The following EP300 variants were observed in gnomAD, a reference collection of about 807,000 sequenced individuals.
EP300 encodes the protein histone acetyltransferase p300.
A neutral mutation model predicts 264.0 loss-of-function variants in EP300; 31 were observed. That is an observed-to-expected ratio of 0.12 (90% CI 0.09 to 0.16). EP300 has a LOEUF of 0.16. Among genes scored for constraint, EP300 ranks in the 10% least tolerant of loss-of-function variants. EP300 has a pLI of 1.00. For synonymous variants in EP300, 1,340 were observed against 1,045.4 expected, an observed-to-expected ratio of 1.28 and a Z score of -5.44; for missense variants, 2,766 against 3,052.9, an observed-to-expected ratio of 0.91 and a Z score of 2.21.
rs113791856 is a variant in EP300 at position 41,098,458 on chromosome 22, G to T, written c.94+5360G>T. Among the ~76,000 whole-genome samples the T allele has an allele frequency of 3.9e-5, 6 of 152,074 alleles. No individual in the cohort carries two copies. The South Asian group carries it at 1.2e-3, about 31-fold the overall frequency. On this transcript the variant is annotated intron_variant, in intron 1 of 30. Coordinates refer to ENST00000263253, the MANE Select transcript of EP300 (RefSeq NM_001429.4). The stretch of plus-strand genomic sequence containing the variant: ...GCGATCTCGGGTCACTGCAAGCTCC[G>T]CCTCCCGGGTTCAAGCCATTCTCCT...
At chr22:41,169,328 A>ACTTC (rs2059157080) in intron 25 of EP300, 175 bp from the exon 26 acceptor site, 1 of 617,546 alleles carries the variant, frequency 1.6e-6, no homozygotes, top group African/African-American at 1.8e-5. Flanking sequence ...GGCTCACTGA[A>ACTTC]CTTCCCTGAA....
chr22:41,169,296 C>G (rs542066474), intron 25 of EP300: 14 of 598,952 alleles, frequency 2.3e-5, no homozygotes, highest in Non-Finnish European at 3.8e-5. Flanking sequence ...CTGCTAGTTA[C>G]TACAAATAGA....
intron 1 of EP300, among the ~76,000 whole-genome samples, chr22:41,096,966 C>G (rs1165997997): frequency 6.6e-6 from 1 of 152,162 alleles, no homozygotes; most frequent in Non-Finnish European, 1.5e-5. Context: ...GTTCGTCATC[C>G]TAACCAAAAC....
intron 20 of EP300, among the ~76,000 whole-genome samples, chr22:41,161,467 A>C (rs867861737): frequency 6.6e-6 from 1 of 152,080 alleles, no homozygotes; most frequent in Non-Finnish European, 1.5e-5. Flanking sequence ...AATACAAAAA[A>C]TTAGCCGGGC....
chr22:41,121,919 C>G (rs1255143740), intron 2 of EP300, among the ~76,000 whole-genome samples: 1 of 152,000 alleles, frequency 6.6e-6, no homozygotes, highest in Admixed American at 6.6e-5. Flanking sequence ...AATTTTCATG[C>G]TAATAAGAAA....
chr22:41,179,817 A>G lies in EP300; in HGVS notation c.*861A>G, dbSNP rs559571461. On this transcript the variant is annotated 3_prime_UTR_variant, in exon 31 of 31. Transcript: ENST00000263253. The stretch of plus-strand genomic sequence containing the variant: ...ACGATTCCGGTGGGATGATTTTAAC[A>G]TGCAAAATGTCCCTGGGGGTTTCTT... The G allele has an allele frequency of 4.4e-6, 1 of 226,998 alleles. No individual in the cohort carries two copies. Among genetic ancestry groups the G allele is most frequent in the South Asian group, 1.8e-4 (1 of 5,432 alleles). 14.1% of individuals were successfully genotyped at this position (226,998 alleles called of 1,614,324 possible).
Position 41,179,021 on chromosome 22 carries a change from AAAC to A in EP300, c.*68_*70del, listed in dbSNP as rs1266235040. 20 of 1,590,908 alleles carry A rather than the reference AAAC, an allele frequency of 1.3e-5. No homozygotes were observed. Among genetic ancestry groups the A allele is most frequent in the East Asian group, 2.2e-5 (1 of 44,788 alleles). On this transcript the variant is annotated 3_prime_UTR_variant, in exon 31 of 31. Transcript: ENST00000263253. Reference sequence around the variant, plus strand: ...CTCTTAACAAGACTTTTTGTACTGAAAACAATTTTTTTGAATCTTTCGTAGCCT... The same window carrying A: ...CTCTTAACAAGACTTTTTGTACTGAAAATTTTTTTGAATCTTTCGTAGCCT...
intron 23 of EP300, among the ~76,000 whole-genome samples, chr22:41,167,826 G>GTTTTTTTTTTTTTTTTTTTTTTT (rs1192332279): frequency 6.5e-4 from 21 of 32,178 alleles, no homozygotes; most frequent in South Asian, 1.7e-3. Context: ...TTTTTTTTTT[G>GTTTTTTTTTTTTTTTTTTTTTTT]TTTTTTTTTT....
chr22:41,157,433 C>T (rs1569110993), intron 18 of EP300, 25 bp downstream of exon 18: 1 of 1,554,572 alleles, frequency 6.4e-7, no homozygotes, highest in Admixed American at 1.7e-5. Context: ...TCAGATTTGA[C>T]TTTAACTTTT....
At chr22:41,114,416 G>A (rs527618323) in intron 1 of EP300, among the ~76,000 whole-genome samples, 30 of 152,230 alleles carry the variant, frequency 2.0e-4, no homozygotes, top group South Asian at 6.2e-4. Context: ...AGCTCGAGCC[G>A]TCTGCCCTCC....
intron 20 of EP300, among the ~76,000 whole-genome samples, chr22:41,162,339 T>A (rs1435693589): frequency 6.6e-6 from 1 of 152,182 alleles, no homozygotes; most frequent in Non-Finnish European, 1.5e-5. Context: ...GGATCCTAGT[T>A]GGAGAATGGT....
chr22:41,126,069 T>C, intron 3 of EP300, 29 bp downstream of exon 3: 2 of 1,609,588 alleles, frequency 1.2e-6, no homozygotes, highest in Non-Finnish European at 1.7e-6. Context: ...CAGACTTGTT[T>C]TCAAACTGGC....
At chr22:41,164,262 C>T (rs190749441) in intron 22 of EP300, 132 bp downstream of exon 22, 6 of 871,678 alleles carry the variant, frequency 6.9e-6, no homozygotes, top group African/African-American at 3.4e-5. Flanking sequence ...TTGGGTTTGG[C>T]CACGATAATT....
chr22:41,121,462 C>G (rs1030294349), intron 2 of EP300, among the ~76,000 whole-genome samples: 4 of 152,106 alleles, frequency 2.6e-5, no homozygotes, highest in African/African-American at 7.2e-5. Flanking sequence ...TTTTCTAATT[C>G]CTCAGCAGAT....
chr22:41,117,038 G>A, intron 1 of EP300, 149 bp from the exon 2 acceptor site: 1 of 749,720 alleles, frequency 1.3e-6, no homozygotes, highest in Non-Finnish European at 2.2e-6. Flanking sequence ...TCCAGCCTGT[G>A]CAACAGAGTA....
At chr22:41,127,883 A>G (rs2058892140) in intron 4 of EP300, 135 bp downstream of exon 4, 2 of 1,164,930 alleles carry the variant, frequency 1.7e-6, no homozygotes, top group African/African-American at 1.5e-5. Context: ...TGTATGTACA[A>G]AGTCACCAAA....
intron 3 of EP300, among the ~76,000 whole-genome samples, chr22:41,126,741 T>G (rs1445845500): frequency 8.1e-6 from 1 of 123,610 alleles, no homozygotes; most frequent in Non-Finnish European, 1.7e-5. Context: ...TTTTTTTTTT[T>G]TTTTTTTTTT....
intron 29 of EP300, chr22:41,174,529 A>G (rs1299811081): frequency 6.6e-5 from 10 of 152,110 alleles, no homozygotes; most frequent in Admixed American, 6.5e-4. Context: ...TTATTTCATC[A>G]TTTACATTGT....
intron 10 of EP300, among the ~76,000 whole-genome samples, chr22:41,145,025 C>T (rs529469498): frequency 5.3e-5 from 8 of 152,154 alleles, no homozygotes; most frequent in Non-Finnish European, 1.2e-4. Context: ...TCACCATTCT[C>T]TATTGTTTTG....
Sources: gnomAD v4.1 joint callset for allele counts (sites outside exome capture counted in the v4.1 genomes callset) on GRCh38, gnomAD v4.1.1 for gene constraint, MANE v1.5 for transcripts, NCBI Gene and HGNC (gene_info 2026-07-23, HGNC 2026-07-21) for gene names.